STX6: variants seen among roughly 807,000 people sequenced by gnomAD.
STX6 encodes syntaxin 6.
Under a neutral mutation model 38.0 loss-of-function variants are expected in STX6, and 23 were observed. The ratio of observed to expected loss-of-function variants is 0.60; its 90% confidence interval spans 0.43 to 0.86. The LOEUF is 0.86. Among genes scored for constraint, STX6 ranks in the 40% least tolerant of loss-of-function variants. The pLI is 0.00. For missense variants in STX6, 274 were observed against 312.9 expected, an observed-to-expected ratio of 0.88 and a Z score of 0.94; for synonymous variants, 123 against 107.5, an observed-to-expected ratio of 1.14 and a Z score of -0.89.
intron 1 of STX6, among the ~76,000 whole-genome samples, chr1:181,006,995 T>C (rs1656241268): frequency 6.6e-6 from 1 of 152,170 alleles, no homozygotes; most frequent in Non-Finnish European, 1.5e-5. Context: ...GAAACCCTAT[T>C]TAAGATAAAA....
In STX6 at chr1:180,992,753, T is replaced by G. The variant is rs540660115; in HGVS notation, c.363+610A>C. Among the ~76,000 whole-genome samples the G allele has an allele frequency of 2.6e-5, 4 of 152,360 alleles. No homozygotes were observed. The South Asian group carries it at 8.3e-4, about 32-fold the overall frequency. On this transcript the variant is annotated intron_variant, in intron 4 of 7. Transcript: ENST00000258301. ...TGTATTTTAACAATTAGAAAGGAGCTTCTATCAATATGCCAAAGTATGTAA... is the reference window on the plus strand; with the variant it reads ...TGTATTTTAACAATTAGAAAGGAGCGTCTATCAATATGCCAAAGTATGTAA...
intron 2 of STX6, 137 bp downstream of exon 2, chr1:181,005,157 C>T: frequency 1.4e-6 from 2 of 1,466,946 alleles, no homozygotes; most frequent in South Asian, 1.4e-5. Context: ...ATACTTTAAA[C>T]ATGTCATGGT....
chr1:180,985,055 A>G (rs1289309744), intron 6 of STX6, among the ~76,000 whole-genome samples: 1 of 152,212 alleles, frequency 6.6e-6, no homozygotes, highest in Non-Finnish European at 1.5e-5. Context: ...CAGATACTTA[A>G]TATTTCTGCA....
intron 1 of STX6, among the ~76,000 whole-genome samples, chr1:181,021,780 T>C (rs1656734163): frequency 6.6e-6 from 1 of 152,212 alleles, no homozygotes; most frequent in Non-Finnish European, 1.5e-5. Context: ...CAATCAAAGA[T>C]GAGCTAGGAT....
At chr1:181,002,757 T>C (rs1385142003) in intron 2 of STX6, 57 bp from the exon 3 acceptor site, 57 of 1,182,362 alleles carry the variant, frequency 4.8e-5, no homozygotes, top group Non-Finnish European at 3.0e-5. Context: ...CAACATCCTG[T>C]TAACTCACTG....
chr1:180,990,218 T>C, intron 4 of STX6, 109 bp from the exon 5 acceptor site: 1 of 1,419,694 alleles, frequency 7.0e-7, no homozygotes, highest in East Asian at 2.4e-5. Context: ...CTTGTCTATT[T>C]TCCCCTGGGC....
rs990056700 is a variant in STX6 at position 181,017,021 on chromosome 1, C to T, written c.35+5618G>A. Among the ~76,000 whole-genome samples the T allele has an allele frequency of 1.6e-4, 25 of 151,534 alleles. 1 individual carries two copies. The highest frequency in any genetic ancestry group is 5.1e-4 in the African/African-American group (21 of 41,170). ...CCGGGAGGCGGAGGTTGCAGTGAGC[C>T]AAGACGCGCCACTGCACTCCAGCCT... On this transcript the variant is annotated intron_variant, in intron 1 of 7. Coordinates refer to ENST00000258301, the MANE Select transcript of STX6 (RefSeq NM_005819.6).
intron 1 of STX6, among the ~76,000 whole-genome samples, chr1:181,008,727 GTTTTTT>G (rs55654509): frequency 4.6e-5 from 5 of 108,728 alleles, no homozygotes; most frequent in South Asian, 3.2e-4. Context: ...TTCCAAAATT[GTTTTTT>G]TTTTTTTTTT....
intron 1 of STX6, among the ~76,000 whole-genome samples, chr1:181,019,772 T>G (rs900586834): frequency 6.6e-6 from 1 of 152,236 alleles, no homozygotes; most frequent in African/African-American, 2.4e-5. Context: ...ACTGGAAATG[T>G]GGCTAGTGTG....
chr1:180,978,891 G>A (rs1345459409), intron 7 of STX6, among the ~76,000 whole-genome samples: 1 of 152,108 alleles, frequency 6.6e-6, no homozygotes, highest in Admixed American at 6.5e-5. Context: ...AGTATATCAT[G>A]TCCACTTTTC....
intron 1 of STX6, among the ~76,000 whole-genome samples, chr1:181,006,768 G>GA (rs532421805): frequency 1.3e-5 from 2 of 151,920 alleles, no homozygotes; most frequent in African/African-American, 2.4e-5. Context: ...TAACAAAAAT[G>GA]AAAAAAAGCA....
chr1:181,011,786 A>C (rs1048278026), intron 1 of STX6, among the ~76,000 whole-genome samples: 8 of 152,182 alleles, frequency 5.3e-5, no homozygotes, highest in Non-Finnish European at 1.2e-4. Flanking sequence ...CATGACCCAC[A>C]AATGTCTACC....
At chr1:181,018,109 G>A (rs1453271117) in intron 1 of STX6, among the ~76,000 whole-genome samples, 1 of 152,096 alleles carries the variant, frequency 6.6e-6, no homozygotes, top group Non-Finnish European at 1.5e-5. Context: ...AACAGGCCAG[G>A]CGCGGTGGCT....
intron 1 of STX6, among the ~76,000 whole-genome samples, chr1:181,010,014 C>T (rs939696582): frequency 5.3e-5 from 8 of 152,116 alleles, no homozygotes; most frequent in African/African-American, 1.7e-4. Context: ...CATAACATTC[C>T]GGAAAAGGCA....
intron 7 of STX6, among the ~76,000 whole-genome samples, chr1:180,981,754 C>G (rs1366483954): frequency 6.6e-6 from 1 of 152,138 alleles, no homozygotes; most frequent in African/African-American, 2.4e-5. Flanking sequence ...CTAGGTAACC[C>G]CAGGGAGCTG....
intron 1 of STX6, among the ~76,000 whole-genome samples, chr1:181,010,030 A>G (rs1656347296): frequency 6.6e-6 from 1 of 152,244 alleles, no homozygotes; most frequent in African/African-American, 2.4e-5. Context: ...AGGCAAAATT[A>G]TAAGAACAGA....
intron 3 of STX6, among the ~76,000 whole-genome samples, chr1:180,995,671 C>T (rs986709751): frequency 6.6e-6 from 1 of 152,186 alleles, no homozygotes; most frequent in Non-Finnish European, 1.5e-5. Context: ...GCCTGGGCAA[C>T]ATAGCAAAAC....
At position 180,976,348 on chromosome 1, in the gene STX6, A is replaced by G. The variant is rs1035651610; in HGVS notation, c.*222T>C. ...AGGCGGCATGGGGCTTCTGTTGTCC[A>G]GCTGCAGCCAGGAGTGCAGACATCT... On this transcript the variant is annotated 3_prime_UTR_variant, in exon 8 of 8. Coordinates refer to ENST00000258301, the MANE Select transcript of STX6 (RefSeq NM_005819.6). 7.7e-6 allele frequency: 4 copies of G among 522,264 alleles called. No individual in the cohort carries two copies. Among genetic ancestry groups the G allele is most frequent in the Non-Finnish European group, 1.4e-5 (4 of 287,460 alleles). 32.4% of individuals were successfully genotyped at this position (522,264 alleles called of 1,614,324 possible).
At chr1:181,022,171 A>C (rs6700216) in intron 1 of STX6, among the ~76,000 whole-genome samples, 3 of 149,914 alleles carry the variant, frequency 2.0e-5, no homozygotes, top group African/African-American at 7.4e-5. Flanking sequence ...GTCTGCGGAC[A>C]AGCGCTCCAA....
Sources: gnomAD v4.1 joint callset for allele counts (sites outside exome capture counted in the v4.1 genomes callset) on GRCh38, gnomAD v4.1.1 for gene constraint, MANE v1.5 for transcripts, NCBI Gene and HGNC (gene_info 2026-07-23, HGNC 2026-07-21) for gene names.